The following NRXN3 variants were observed in gnomAD, a reference collection of about 807,000 sequenced individuals.
NRXN3 encodes the protein neurexin 3.
NRXN3 carries 32 observed loss-of-function variants against 137.6 expected under a neutral mutation model. The ratio of observed to expected loss-of-function variants is 0.23; its 90% CI spans 0.18 to 0.31. NRXN3 has a LOEUF of 0.31. NRXN3 is among the 10% of genes least tolerant of loss of function. The pLI, the probability that NRXN3 is intolerant of heterozygous loss-of-function variation, is 1.00. For missense variants in NRXN3, 1,574 were observed against 2,062.5 expected (o/e 0.76, Z 4.59); for synonymous variants, 798 against 784.5 (o/e 1.02, Z -0.29).
chr14:79,499,932 G>A (rs566999772), intron 16 of NRXN3, among the ~76,000 whole-genome samples: 15 of 145,206 alleles, frequency 1.0e-4, no homozygotes, highest in African/African-American at 2.8e-4. Context: ...CCTGTGTTTG[G>A]TTTTCTGTCA....
At chr14:78,400,291 G>T (rs550259042) in intron 4 of NRXN3, among the ~76,000 whole-genome samples, 63 of 152,296 alleles carry the variant, frequency 4.1e-4, no homozygotes, top group African/African-American at 1.4e-3. Flanking sequence ...GCAAAAGTCA[G>T]AAAGATTAGT....
intron 8 of NRXN3, among the ~76,000 whole-genome samples, chr14:78,747,245 T>A (rs1354796610): frequency 6.6e-6 from 1 of 152,228 alleles, no homozygotes; most frequent in Non-Finnish European, 1.5e-5. Context: ...GTAGGTCAAT[T>A]TCTTAACCTC....
At chr14:78,232,381 A>G (rs1027846277) in intron 1 of NRXN3, among the ~76,000 whole-genome samples, 1 of 152,028 alleles carries the variant, frequency 6.6e-6, no homozygotes, top group Non-Finnish European at 1.5e-5. Flanking sequence ...AGCCCCAGAC[A>G]TGATTGCTGG....
At chr14:79,002,517 CT>C (rs1244811403) in intron 15 of NRXN3, among the ~76,000 whole-genome samples, 1 of 152,138 alleles carries the variant, frequency 6.6e-6, no homozygotes. Flanking sequence ...TGGCTTCCAG[CT>C]TCATCTACGT....
intron 19 of NRXN3, among the ~76,000 whole-genome samples, chr14:79,788,509 G>A (rs1288604810): frequency 6.6e-6 from 1 of 152,162 alleles, no homozygotes; most frequent in Non-Finnish European, 1.5e-5. Flanking sequence ...CTGACTCGCT[G>A]ATATCCATTT....
chr14:79,655,451 G>A (rs748303897), intron 16 of NRXN3, among the ~76,000 whole-genome samples: 10 of 152,206 alleles, frequency 6.6e-5, no homozygotes, highest in Non-Finnish European at 1.3e-4. Context: ...AAATTCACAC[G>A]TGCGTGCTCA....
At position 78,988,061 on chromosome 14, in the gene NRXN3, A is replaced by T; in HGVS notation, c.3182A>T (p.Gln1061Leu). The change falls in exon 15 of 21, where the codon CAG (glutamine) becomes CTG (leucine). Residue 1061 changes from glutamine to leucine, a missense_variant. Transcript: ENST00000335750. ...TTCQEDSCAN[Q>L]GVCMQQWEGF... ...TGCCAGGAAGATTCATGTGCCAACC[A>T]GGGGGTCTGCATGCAACAATGGGAG... 1 of 1,613,886 alleles carries T rather than the reference A, an allele frequency of 6.2e-7. No homozygotes were observed. The highest frequency in any genetic ancestry group is 8.5e-7 in the Non-Finnish European group (1 of 1,179,896).
chr14:79,674,164 A>G (rs953399543), intron 17 of NRXN3, among the ~76,000 whole-genome samples: 1 of 152,076 alleles, frequency 6.6e-6, no homozygotes, highest in Non-Finnish European at 1.5e-5. Context: ...CAATGCCAAT[A>G]AGCTCTGCTC....
At chr14:78,856,583 G>A (rs2099057762) in intron 10 of NRXN3, among the ~76,000 whole-genome samples, 1 of 152,100 alleles carries the variant, frequency 6.6e-6, no homozygotes, top group East Asian at 1.9e-4. Context: ...TCCAGAGGAT[G>A]AAGTTCAGTA....
intron 16 of NRXN3, among the ~76,000 whole-genome samples, chr14:79,538,615 G>T (rs78521074): frequency 0.027 from 4,162 of 152,154 alleles, 198 homozygotes; most frequent in African/African-American, 0.095. Context: ...ATTTGTTTAC[G>T]TTCCTTGTAG....
In NRXN3 at chr14:78,267,986, C is replaced by CA. The variant is rs530439976; in HGVS notation, c.710-10652dup. On this transcript the variant is annotated intron_variant, in intron 2 of 20. Transcript: ENST00000335750. ...CAGACACAAAGGCTCATGATGAGAA[C>CA]AAAAAAAGGGTGAGGATAAAGGCTT... Among the ~76,000 whole-genome samples the CA allele has an allele frequency of 6.6e-5, 10 of 151,876 alleles. No individual in the cohort carries two copies. In the South Asian group the frequency reaches 1.9e-3, roughly 28 times the overall value.
intron 4 of NRXN3, among the ~76,000 whole-genome samples, chr14:78,470,172 T>G (rs1453212345): frequency 6.6e-6 from 1 of 152,214 alleles, no homozygotes; most frequent in East Asian, 1.9e-4. Context: ...AGAGAGAAGT[T>G]GACTCCTGTT....
intron 10 of NRXN3, among the ~76,000 whole-genome samples, chr14:78,881,912 T>C (rs1296994510): frequency 1.3e-5 from 2 of 151,548 alleles, no homozygotes; most frequent in East Asian, 3.9e-4. Flanking sequence ...ATCACAAACC[T>C]GGAGGCCTAG....
chr14:78,436,582 G>C (rs1875882518), intron 4 of NRXN3, among the ~76,000 whole-genome samples: 1 of 152,180 alleles, frequency 6.6e-6, no homozygotes, highest in Non-Finnish European at 1.5e-5. Flanking sequence ...CTTGCTTTTA[G>C]CAAGGAAGCC....
At chr14:78,680,153 C>T (rs1223909544) in intron 6 of NRXN3, among the ~76,000 whole-genome samples, 1 of 152,030 alleles carries the variant, frequency 6.6e-6, no homozygotes, top group African/African-American at 2.4e-5. Context: ...ACTGCATATT[C>T]TTATTTATAA....
chr14:79,652,354 A>C (rs1293706686), intron 16 of NRXN3, among the ~76,000 whole-genome samples: 2 of 152,146 alleles, frequency 1.3e-5, no homozygotes, highest in East Asian at 3.9e-4. Context: ...ATGTCAAAAA[A>C]TAAATGCTTC....
intron 4 of NRXN3, among the ~76,000 whole-genome samples, chr14:78,625,469 A>C (rs1019432155): frequency 4.6e-5 from 7 of 152,206 alleles, no homozygotes; most frequent in Non-Finnish European, 1.0e-4. Flanking sequence ...TGACTAATAG[A>C]AAACCAGAAA....
At chr14:79,600,652 A>G (rs1407677233) in intron 16 of NRXN3, among the ~76,000 whole-genome samples, 1 of 152,154 alleles carries the variant, frequency 6.6e-6, no homozygotes, top group Non-Finnish European at 1.5e-5. Context: ...TCATTTATGG[A>G]GGAGAATGCC....
At chr14:79,756,263 A>G (rs542831544) in intron 19 of NRXN3, among the ~76,000 whole-genome samples, 1 of 152,260 alleles carries the variant, frequency 6.6e-6, no homozygotes, top group African/African-American at 2.4e-5. Flanking sequence ...TAATTCTCAA[A>G]CATACTCAGA....
Sources: gnomAD v4.1 joint callset for allele counts (sites outside exome capture counted in the v4.1 genomes callset) on GRCh38, gnomAD v4.1.1 for gene constraint, MANE v1.5 for transcripts, NCBI Gene and HGNC (gene_info 2026-07-23, HGNC 2026-07-21) for gene names.